The following LIPA variants were observed in gnomAD, a reference collection of about 807,000 sequenced individuals.
LIPA encodes the protein lipase A, lysosomal acid type, also known as lysosomal acid lipase/cholesteryl ester hydrolase.
LIPA carries 26 observed loss-of-function variants against 40.6 expected under a neutral mutation model. The observed-to-expected ratio is 0.64, with a 90% CI of 0.47 to 0.89. LIPA has a LOEUF of 0.89. Among genes scored for constraint, LIPA ranks in the 40% least tolerant of loss-of-function variants. The pLI is 0.00. For missense variants in LIPA, 455 were observed against 479.6 expected (o/e 0.95, Z 0.48); for synonymous variants, 188 against 168.4 (o/e 1.12, Z -0.90).
At chr10:89,320,136 T>A (rs559788980) in intron 1 of LIPA, among the ~76,000 whole-genome samples, 65 of 152,182 alleles carry the variant, frequency 4.3e-4, no homozygotes, top group African/African-American at 1.5e-3. Flanking sequence ...AAACTGGAAG[T>A]ATTCCCTTTG....
chr10:89,284,842 C>T (rs1038820006), intron 1 of LIPA, among the ~76,000 whole-genome samples: 1 of 152,200 alleles, frequency 6.6e-6, no homozygotes, highest in Non-Finnish European at 1.5e-5. Context: ...CCTGCCTTAA[C>T]TGATGACATT....
intron 2 of LIPA, among the ~76,000 whole-genome samples, chr10:89,360,144 A>C (rs1844013633): frequency 6.6e-6 from 1 of 152,168 alleles, no homozygotes; most frequent in African/African-American, 2.4e-5. Context: ...GAACTATCTT[A>C]CTGCCCTTTA....
intron 2 of LIPA, chr10:89,383,622 G>T: frequency 6.2e-7 from 1 of 1,614,176 alleles, no homozygotes; most frequent in Non-Finnish European, 8.5e-7. Flanking sequence ...ACTTTGCCTG[G>T]GTGTATTACC....
chr10:89,353,969 C>A (rs908917154), intron 2 of LIPA, among the ~76,000 whole-genome samples: 1 of 152,074 alleles, frequency 6.6e-6, no homozygotes, highest in African/African-American at 2.4e-5. Flanking sequence ...AAAGTGCATT[C>A]AAGTACTTCA....
At chr10:89,388,872 G>A (rs1211496921) in intron 2 of LIPA, among the ~76,000 whole-genome samples, 1 of 152,140 alleles carries the variant, frequency 6.6e-6, no homozygotes, top group Non-Finnish European at 1.5e-5. Context: ...TGTGGGTCAA[G>A]GTGGGCTGAG....
intron 1 of LIPA, chr10:89,309,317 C>A (rs1350275273): frequency 1.3e-5 from 2 of 152,196 alleles, no homozygotes; most frequent in South Asian, 2.1e-4. Flanking sequence ...GTTAAAGAGT[C>A]TTCCCTATTA....
At chr10:89,273,383 G>T (rs1015609570) in intron 1 of LIPA, among the ~76,000 whole-genome samples, 1 of 152,066 alleles carries the variant, frequency 6.6e-6, no homozygotes, top group African/African-American at 2.4e-5. Context: ...CTGTTTTGGG[G>T]GTACTGGGAA....
Position 89,214,450 on chromosome 10 carries a change from C to T in LIPA, c.*378G>A, listed in dbSNP as rs1418541734. On this transcript the variant is annotated 3_prime_UTR_variant, in exon 10 of 10. Coordinates refer to ENST00000336233, the MANE Select transcript of LIPA (RefSeq NM_000235.4). ...TCGCTTAAGTCAGTGACAGATTTAC[C>T]AATGACAACACAATTTTAAAATTCC... 1.6e-5 allele frequency: 3 copies of T among 192,128 alleles called. No homozygotes were observed. Among genetic ancestry groups the T allele is most frequent in the Non-Finnish European group, 3.3e-5 (3 of 92,252 alleles). The allele number at this position is 192,128 out of a possible 1,614,324, so 11.9% of individuals were successfully genotyped here.
chr10:89,239,555 C>A (rs1842942154), intron 3 of LIPA, among the ~76,000 whole-genome samples: 2 of 152,158 alleles, frequency 1.3e-5, no homozygotes, highest in African/African-American at 4.8e-5. Flanking sequence ...GAGCAGGTGA[C>A]CTGCAGGAGT....
exon 1 of LIPA, chr10:89,414,443 G>C: frequency 3.7e-6 from 1 of 272,314 alleles, no homozygotes. Flanking sequence ...CAAAGTGAAG[G>C]AGCCCAGCTG....
chr10:89,318,060 G>T (rs534433987), intron 1 of LIPA, among the ~76,000 whole-genome samples: 2 of 152,284 alleles, frequency 1.3e-5, no homozygotes, highest in South Asian at 4.1e-4. Context: ...AAGAGCTCCT[G>T]AAGGAAGCAC....
chr10:89,238,429 G>A (rs778200500), intron 3 of LIPA, among the ~76,000 whole-genome samples: 6 of 152,150 alleles, frequency 3.9e-5, no homozygotes, highest in African/African-American at 7.2e-5. Flanking sequence ...TATGACACAG[G>A]CACTGAAACT....
At chr10:89,379,353 G>C (rs537698553) in intron 2 of LIPA, among the ~76,000 whole-genome samples, 15 of 152,264 alleles carry the variant, frequency 9.9e-5, no homozygotes, top group African/African-American at 3.6e-4. Flanking sequence ...CAATCTGTGT[G>C]TTATAAGTTT....
intron 1 of LIPA, among the ~76,000 whole-genome samples, chr10:89,259,060 T>G (rs1013709366): frequency 6.6e-6 from 1 of 152,138 alleles, no homozygotes; most frequent in African/African-American, 2.4e-5. Context: ...GGCTAAAGGA[T>G]GGGGAAGAAG....
chr10:89,377,282 T>G (rs1335100796), intron 2 of LIPA, among the ~76,000 whole-genome samples: 1 of 152,228 alleles, frequency 6.6e-6, no homozygotes, highest in Non-Finnish European at 1.5e-5. Context: ...TAAGGACAAC[T>G]CAGAAGAACT....
At position 89,384,290 on chromosome 10, in the gene LIPA, T is replaced by C. The variant is rs781005470; in HGVS notation, c.61+28501A>G. On this transcript the variant is annotated intron_variant, in intron 2 of 8. Transcript: ENST00000371837. ...GTGGACAGATTGGTTCAATTGGCTA[T>C]ATGCAAATTTGAAAAGACTATAATG... The C allele has an allele frequency of 2.5e-6, 4 of 1,614,190 alleles. No individual in the cohort carries two copies. Among genetic ancestry groups the C allele is most frequent in the Admixed American group, 1.7e-5 (1 of 60,018 alleles).
chr10:89,274,223 G>A (rs1843278876), intron 1 of LIPA, among the ~76,000 whole-genome samples: 1 of 152,154 alleles, frequency 6.6e-6, no homozygotes, highest in South Asian at 2.1e-4. Flanking sequence ...ATTTAATTAA[G>A]TAATAATAAA....
chr10:89,340,499 A>T (rs887425857), intron 1 of LIPA: 1 of 147,746 alleles, frequency 6.8e-6, no homozygotes, highest in African/African-American at 2.6e-5. Flanking sequence ...AAGAGGTTGC[A>T]GTGAGCCAAG....
At chr10:89,389,122 A>G (rs304499) in intron 2 of LIPA, among the ~76,000 whole-genome samples, 51,265 of 152,134 alleles carry the variant, frequency 0.34, 10,014 homozygotes, top group East Asian at 0.62. Flanking sequence ...GAATACATTC[A>G]AAAGAGTATA....
Sources: gnomAD v4.1 joint callset for allele counts (sites outside exome capture counted in the v4.1 genomes callset) on GRCh38, gnomAD v4.1.1 for gene constraint, MANE v1.5 for transcripts, NCBI Gene and HGNC (gene_info 2026-07-23, HGNC 2026-07-21) for gene names.